Variants in CSMD1 observed in about 807,000 individuals in gnomAD.
The protein encoded by CSMD1 is CUB and sushi domain-containing protein 1.
CSMD1 carries 213 observed loss-of-function variants against 417.5 expected under a neutral mutation model. That is an observed-to-expected ratio of 0.51 (90% CI 0.46 to 0.57). The LOEUF (loss-of-function observed/expected upper bound fraction) is 0.57, where lower values mean the gene tolerates loss of function less well. Ranked by LOEUF, CSMD1 falls within the 20% of genes least tolerant of loss-of-function variation. The probability of loss-of-function intolerance (pLI) is 0.00; values close to 1 mark genes in which losing one functional copy is unlikely to be tolerated. For missense variants in CSMD1, 6,923 were observed against 4,529.7 expected (o/e 1.53, Z -15.17); for synonymous variants, 2,862 against 1,736.8 (o/e 1.65, Z -16.11).
chr8:4,153,036 G>A (rs1291550090), intron 3 of CSMD1, among the ~76,000 whole-genome samples: 1 of 152,136 alleles, frequency 6.6e-6, no homozygotes, highest in Non-Finnish European at 1.5e-5. Flanking sequence ...ATTGTAAAAT[G>A]ACTTGTAACG....
rs1052202305 is a variant in CSMD1, at chr8:4,874,550, C to T, written c.85+119782G>A. 1.2e-4 allele frequency among the ~76,000 whole-genome samples: 18 copies of T among 151,680 alleles called. 1 individual carries two copies. The highest frequency in any genetic ancestry group is 5.8e-4 in the East Asian group (3 of 5,140). ...GATTACGGGTGCCTGCCACCTCTCCCGGCTAATTTTTGTATTTTTTAGTAA... is the reference window on the plus strand; with the variant it reads ...GATTACGGGTGCCTGCCACCTCTCCTGGCTAATTTTTGTATTTTTTAGTAA... On this transcript the variant is annotated intron_variant, in intron 1 of 69. Transcript: ENST00000635120.
At chr8:4,182,191 G>T (rs962733165) in intron 3 of CSMD1, among the ~76,000 whole-genome samples, 11 of 151,970 alleles carry the variant, frequency 7.2e-5, no homozygotes, top group Admixed American at 7.2e-4. Context: ...TTCTGATTAG[G>T]TTCTGTGTTT....
At chr8:4,313,281 A>T (rs1417964831) in intron 3 of CSMD1, among the ~76,000 whole-genome samples, 1 of 152,156 alleles carries the variant, frequency 6.6e-6, no homozygotes, top group Non-Finnish European at 1.5e-5. Flanking sequence ...CCCCAGGAAG[A>T]GAATGCGAAG....
chr8:3,887,573 G>A (rs950089083), intron 5 of CSMD1, among the ~76,000 whole-genome samples: 2 of 152,178 alleles, frequency 1.3e-5, no homozygotes, highest in African/African-American at 4.8e-5. Context: ...TTCCTGTAGA[G>A]CAAGGCCAAG....
intron 1 of CSMD1, among the ~76,000 whole-genome samples, chr8:4,654,233 T>C (rs752332909): frequency 5.9e-5 from 9 of 152,122 alleles, no homozygotes; most frequent in Non-Finnish European, 1.2e-4. Context: ...CTAAAATATG[T>C]CTCAGGAATT....
chr8:3,242,969 A>G (rs374917235), intron 26 of CSMD1, among the ~76,000 whole-genome samples: 13 of 152,208 alleles, frequency 8.5e-5, no homozygotes, highest in African/African-American at 2.4e-4. Context: ...TGTCCCTGCA[A>G]TGGGGAGGCT....
At chr8:4,645,630 C>A (rs1047939380) in intron 1 of CSMD1, among the ~76,000 whole-genome samples, 1 of 151,616 alleles carries the variant, frequency 6.6e-6, no homozygotes, top group Non-Finnish European at 1.5e-5. Flanking sequence ...TGTAGACTGG[C>A]AAAAAGAGAT....
chr8:3,524,564 C>T (rs1311720652), intron 10 of CSMD1, among the ~76,000 whole-genome samples: 1 of 150,302 alleles, frequency 6.7e-6, no homozygotes, highest in Non-Finnish European at 1.5e-5. Flanking sequence ...CACACACATG[C>T]ATACCCAGAC....
chr8:3,969,779 T>C lies in CSMD1; in HGVS notation c.818+28124A>G, dbSNP rs954819626. Reference sequence around the variant, plus strand: ...CATACATATTACCATTTTAAATCACTGAAGAAGAAATCTAACCTCCTACCA... The same window carrying C: ...CATACATATTACCATTTTAAATCACCGAAGAAGAAATCTAACCTCCTACCA... On this transcript the variant is annotated intron_variant, in intron 5 of 69. Transcript: ENST00000635120. Among the ~76,000 whole-genome samples, 4 of 152,170 alleles carry C rather than the reference T, an allele frequency of 2.6e-5. No homozygotes were observed. The East Asian group carries it at 7.7e-4, about 29-fold the overall frequency.
Position 3,668,241 on chromosome 8 carries a change from T to A in CSMD1, c.1009+40173A>T, listed in dbSNP as rs570929910. ...CTGACATCCGTCCACCACTGCTGGATCTCATTCTGGGTGATGAGTTCAGCC... is the reference window on the plus strand; with the variant it reads ...CTGACATCCGTCCACCACTGCTGGAACTCATTCTGGGTGATGAGTTCAGCC... On this transcript the variant is annotated intron_variant, in intron 7 of 69. Coordinates refer to ENST00000635120, the MANE Select transcript of CSMD1 (RefSeq NM_033225.6). Among the ~76,000 whole-genome samples the A allele has an allele frequency of 5.5e-4, 83 of 152,234 alleles. No homozygotes were observed. In the South Asian group the frequency reaches 0.016, roughly 29 times the overall value.
intron 1 of CSMD1, among the ~76,000 whole-genome samples, chr8:4,917,521 C>A (rs925802411): frequency 3.9e-5 from 6 of 152,140 alleles, no homozygotes; most frequent in African/African-American, 1.4e-4. Flanking sequence ...GTACTCCCAG[C>A]TACTCGGGAA....
At chr8:4,965,286 A>G (rs36117029) in intron 1 of CSMD1, among the ~76,000 whole-genome samples, 38,670 of 152,242 alleles carry the variant, frequency 0.25, 6,053 homozygotes, top group Non-Finnish European at 0.36. Flanking sequence ...CTGAGTACTT[A>G]TTGTGTATCA....
At chr8:4,041,069 T>A (rs376321596) in intron 3 of CSMD1, among the ~76,000 whole-genome samples, 3 of 139,164 alleles carry the variant, frequency 2.2e-5, no homozygotes, top group East Asian at 2.1e-4. Flanking sequence ...CAGGCTGGAG[T>A]GCAGTGGCGC....
At chr8:3,079,919 C>T (rs1300300012) in intron 49 of CSMD1, among the ~76,000 whole-genome samples, 4 of 152,214 alleles carry the variant, frequency 2.6e-5, no homozygotes, top group African/African-American at 9.6e-5. Flanking sequence ...CAGCTCTTTG[C>T]ACCAGTTCCG....
chr8:4,333,774 G>T (rs1800006389), intron 3 of CSMD1, among the ~76,000 whole-genome samples: 1 of 152,094 alleles, frequency 6.6e-6, no homozygotes, highest in Non-Finnish European at 1.5e-5. Flanking sequence ...AGGTAGCCTT[G>T]ACCTGGGTCT....
chr8:4,253,378 T>C (rs577831097), intron 3 of CSMD1, among the ~76,000 whole-genome samples: 28 of 152,136 alleles, frequency 1.8e-4, no homozygotes, highest in Non-Finnish European at 2.6e-4. Context: ...AAATGCATTT[T>C]TTTCATTGAG....
intron 10 of CSMD1, among the ~76,000 whole-genome samples, chr8:3,513,775 CA>C (rs1797175697): frequency 6.6e-6 from 1 of 152,142 alleles, no homozygotes; most frequent in Non-Finnish European, 1.5e-5. Flanking sequence ...CTTCACCAAA[CA>C]CATGAGAGAT....
chr8:4,092,555 G>A (rs1156949024), intron 3 of CSMD1, among the ~76,000 whole-genome samples: 1 of 152,116 alleles, frequency 6.6e-6, no homozygotes, highest in Admixed American at 6.5e-5. Context: ...TTATTTTAAA[G>A]AAATGTGATT....
chr8:3,322,342 C>G (rs572520135), intron 23 of CSMD1, among the ~76,000 whole-genome samples: 93 of 152,196 alleles, frequency 6.1e-4, no homozygotes, highest in African/African-American at 2.1e-3. Context: ...AGTTAAATGA[C>G]TGAACATTCA....
Sources: allele counts gnomAD v4.1 joint callset (sites outside exome capture counted in the v4.1 genomes callset), GRCh38; gene constraint gnomAD v4.1.1; transcripts MANE v1.5; gene names NCBI Gene and HGNC (gene_info 2026-07-23, HGNC 2026-07-21).